Variants in PTPRK observed in about 807,000 individuals in gnomAD.
The protein encoded by PTPRK is protein tyrosine phosphatase receptor type K, also known as receptor-type tyrosine-protein phosphatase kappa.
A neutral mutation model predicts 178.0 loss-of-function variants in PTPRK; 75 were observed. The ratio of observed to expected loss-of-function variants is 0.42; its 90% CI spans 0.35 to 0.51. The LOEUF (loss-of-function observed/expected upper bound fraction) is 0.51. Ranked by LOEUF, PTPRK falls within the 20% of genes least tolerant of loss-of-function variation. PTPRK has a pLI of 0.02. For synonymous variants in PTPRK, 637 were observed against 620.6 expected (o/e 1.03, Z -0.39); for missense variants, 1,441 against 1,797.8 (o/e 0.80, Z 3.59).
At chr6:128,409,372 T>C (rs1328070262) in intron 1 of PTPRK, 3 of 452,300 alleles carry the variant, frequency 6.6e-6, no homozygotes, top group Non-Finnish European at 1.3e-5. Flanking sequence ...TTAGGTATAA[T>C]AGAGGTAGAC....
chr6:128,173,622 A>G (rs939599557), intron 7 of PTPRK, among the ~76,000 whole-genome samples: 14 of 151,926 alleles, frequency 9.2e-5, no homozygotes, highest in African/African-American at 3.1e-4. Flanking sequence ...ACTTTCCCCA[A>G]TGTTTGAGCC....
chr6:128,342,264 G>C (rs779948945), intron 2 of PTPRK, among the ~76,000 whole-genome samples: 5 of 151,850 alleles, frequency 3.3e-5, no homozygotes, highest in Non-Finnish European at 5.9e-5. Context: ...AACAAAAAAA[G>C]AGAAGAGAAG....
At chr6:128,093,688 G>C (rs944488402) in intron 7 of PTPRK, among the ~76,000 whole-genome samples, 12 of 148,752 alleles carry the variant, frequency 8.1e-5, no homozygotes, top group African/African-American at 3.0e-4. Context: ...CAGTAATCGA[G>C]TGATCTTCAT....
At chr6:128,383,481 AAC>A (rs1373126279) in intron 2 of PTPRK, among the ~76,000 whole-genome samples, 5 of 152,212 alleles carry the variant, frequency 3.3e-5, no homozygotes, top group African/African-American at 1.2e-4. Context: ...GTGCATTAAC[AAC>A]AGTTAAATTC....
At chr6:128,403,708 T>C (rs1584548754) in intron 1 of PTPRK, among the ~76,000 whole-genome samples, 1 of 152,120 alleles carries the variant, frequency 6.6e-6, no homozygotes, top group African/African-American at 2.4e-5. Flanking sequence ...ATGGTTTCCA[T>C]CTAATATACA....
At chr6:128,121,535 T>C (rs1255493848) in intron 7 of PTPRK, among the ~76,000 whole-genome samples, 2 of 152,022 alleles carry the variant, frequency 1.3e-5, no homozygotes, top group Non-Finnish European at 2.9e-5. Context: ...CATTCTAGTA[T>C]AATAATCTAA....
chr6:128,114,350 GCTCATGCCTGTAAT>G (rs1336600334), intron 7 of PTPRK, among the ~76,000 whole-genome samples: 1 of 151,966 alleles, frequency 6.6e-6, no homozygotes, highest in Non-Finnish European at 1.5e-5. Flanking sequence ...AGGCGTGGTG[GCTCATGCCTGTAAT>G]CTCAGCACTT....
chr6:128,084,307 G>A (rs921696502), intron 8 of PTPRK, among the ~76,000 whole-genome samples: 14 of 152,042 alleles, frequency 9.2e-5, no homozygotes, highest in African/African-American at 3.4e-4. Context: ...GAATCACATA[G>A]CAAAATGAAT....
At position 128,325,549 on chromosome 6, in the gene PTPRK, G is replaced by T. The variant is rs191066133; in HGVS notation, c.224-3239C>A. Among the ~76,000 whole-genome samples the T allele has an allele frequency of 1.6e-3, 242 of 151,926 alleles. 3 individuals carry two copies. The East Asian group carries it at 0.042, about 27-fold the overall frequency. On this transcript the variant is annotated intron_variant, in intron 2 of 29. Coordinates refer to ENST00000368226, the MANE Select transcript of PTPRK (RefSeq NM_002844.4). ...ACTTTTCAAAAGAAGACATTTATGCGGCCAACAAACATAAAAAAAAAGGTC... is the reference window on the plus strand; with the variant it reads ...ACTTTTCAAAAGAAGACATTTATGCTGCCAACAAACATAAAAAAAAAGGTC...
At chr6:128,122,499 T>A (rs1354227541) in intron 7 of PTPRK, among the ~76,000 whole-genome samples, 2 of 152,308 alleles carry the variant, frequency 1.3e-5, no homozygotes, top group East Asian at 3.9e-4. Context: ...ACTCTTTCAA[T>A]GTAAACCTCT....
chr6:128,395,310 GATTA>G (rs1840154757), intron 2 of PTPRK, among the ~76,000 whole-genome samples: 1 of 152,258 alleles, frequency 6.6e-6, no homozygotes, highest in East Asian at 1.9e-4. Flanking sequence ...TCCTCTGCAT[GATTA>G]ATTACTTAAT....
chr6:128,340,055 A>C (rs1290513608), intron 2 of PTPRK, among the ~76,000 whole-genome samples: 1 of 152,192 alleles, frequency 6.6e-6, no homozygotes, highest in Non-Finnish European at 1.5e-5. Flanking sequence ...AAGAGGGTCA[A>C]GCTGTTAAGG....
chr6:128,302,021 G>A (rs1049855266), intron 3 of PTPRK, among the ~76,000 whole-genome samples: 1 of 152,020 alleles, frequency 6.6e-6, no homozygotes, highest in Admixed American at 6.6e-5. Context: ...TTAAGTTCCC[G>A]AGACTAAATT....
chr6:128,055,772 A>T (rs1014107157), intron 13 of PTPRK, among the ~76,000 whole-genome samples: 7 of 151,630 alleles, frequency 4.6e-5, no homozygotes, highest in African/African-American at 1.7e-4. Flanking sequence ...GCTAATTTTA[A>T]AAGTTATTTT....
intron 1 of PTPRK, among the ~76,000 whole-genome samples, chr6:128,420,815 T>A (rs1240468284): frequency 2.0e-5 from 3 of 152,192 alleles, no homozygotes; most frequent in African/African-American, 4.8e-5. Context: ...GAGAACAGTG[T>A]AACATGTAGC....
chr6:128,254,588 T>G (rs1055948514), intron 3 of PTPRK, among the ~76,000 whole-genome samples: 1 of 152,184 alleles, frequency 6.6e-6, no homozygotes, highest in Non-Finnish European at 1.5e-5. Context: ...TTGCAGAAGA[T>G]GAACTCAAAT....
intron 7 of PTPRK, among the ~76,000 whole-genome samples, chr6:128,169,838 A>G (rs976675117): frequency 3.3e-5 from 5 of 150,212 alleles, no homozygotes; most frequent in Non-Finnish European, 7.4e-5. Flanking sequence ...TAAGGCCACT[A>G]TTACAATGGA....
intron 8 of PTPRK, among the ~76,000 whole-genome samples, chr6:128,087,015 A>AT (rs1331708467): frequency 9.2e-5 from 14 of 151,972 alleles, no homozygotes; most frequent in Admixed American, 2.6e-4. Flanking sequence ...TTACAAAACT[A>AT]TTTTAGATAA....
At chr6:127,998,107 G>A (rs1777367569) in intron 16 of PTPRK, among the ~76,000 whole-genome samples, 1 of 152,054 alleles carries the variant, frequency 6.6e-6, no homozygotes, top group Admixed American at 6.6e-5. Context: ...TGTGAGATAA[G>A]TCCTGGTATT....
Sources: gnomAD v4.1 joint callset for allele counts (sites outside exome capture counted in the v4.1 genomes callset) on GRCh38, gnomAD v4.1.1 for gene constraint, MANE v1.5 for transcripts, NCBI Gene and HGNC (gene_info 2026-07-23, HGNC 2026-07-21) for gene names.